Variants in IFT43 observed in about 807,000 individuals in gnomAD.
IFT43 encodes intraflagellar transport 43, also known as intraflagellar transport protein 43 homolog.
A neutral mutation model predicts 32.3 loss-of-function variants in IFT43; 33 were observed. The ratio of observed to expected loss-of-function variants is 1.02; its 90% CI spans 0.77 to 1.37. The LOEUF (loss-of-function observed/expected upper bound fraction) is 1.37. Among genes scored for constraint, IFT43 ranks in the 40% most tolerant of loss-of-function variants. The pLI is 0.00. For synonymous variants in IFT43, 93 were observed against 98.2 expected, an observed-to-expected ratio of 0.95 and a Z score of 0.31; for missense variants, 274 against 265.9, an observed-to-expected ratio of 1.03 and a Z score of -0.21.
chr14:75,989,054 T>C, intron 2 of IFT43, 77 bp downstream of exon 2: 1 of 1,543,618 alleles, frequency 6.5e-7, no homozygotes, highest in Non-Finnish European at 8.9e-7. Context: ...AAGGATTTGG[T>C]ATTCCATATT....
chr14:75,988,547 C>A (rs1274542515), intron 1 of IFT43, among the ~76,000 whole-genome samples: 1 of 151,998 alleles, frequency 6.6e-6, no homozygotes, highest in African/African-American at 2.4e-5. Flanking sequence ...GAGATGGAGT[C>A]TTGCTCTGTC....
At chr14:76,065,006 T>C (rs2037203754) in intron 5 of IFT43, among the ~76,000 whole-genome samples, 1 of 152,214 alleles carries the variant, frequency 6.6e-6, no homozygotes, top group African/African-American at 2.4e-5. Flanking sequence ...AGTTTACACA[T>C]GTTATAAATA....
At chr14:75,998,463 G>T (rs897765029) in intron 2 of IFT43, among the ~76,000 whole-genome samples, 1 of 152,178 alleles carries the variant, frequency 6.6e-6, no homozygotes, top group African/African-American at 2.4e-5. Context: ...GGAAGTGGAC[G>T]AACAGACAGA....
chr14:76,046,073 C>T (rs901248545), intron 3 of IFT43, among the ~76,000 whole-genome samples: 5 of 152,162 alleles, frequency 3.3e-5, no homozygotes, highest in African/African-American at 1.2e-4. Context: ...ATTCTAGAAG[C>T]TTCCCAGAGG....
At chr14:76,026,672 T>C (rs1356106741) in intron 3 of IFT43, among the ~76,000 whole-genome samples, 2 of 152,054 alleles carry the variant, frequency 1.3e-5, no homozygotes, top group Non-Finnish European at 1.5e-5. Flanking sequence ...GAAGACAGTG[T>C]GGTGATTCTT....
rs546363738 is a variant in IFT43 at position 76,058,660 on chromosome 14, T to C, written c.234T>C (p.Ser78=). Residue 78 remains serine, a synonymous_variant, in exon 4 of 9, where the codon TCT becomes TCC. Coordinates refer to ENST00000314067, the MANE Select transcript of IFT43 (RefSeq NM_001102564.3). ...TTTTCAGGTTTAGGAGGAAGGCTTC[T>C]GAAGAAATAGAAGAGTACGTTTCCA... The part of the protein sequence containing the change: ...VKASKFRRKA[S]EEIEDFRLRP... 42 of 1,612,806 alleles carry C rather than the reference T, an allele frequency of 2.6e-5. 1 individual carries two copies. In the South Asian group the frequency reaches 4.1e-4, roughly 16 times the overall value.
intron 3 of IFT43, among the ~76,000 whole-genome samples, chr14:76,049,937 A>C (rs1193601697): frequency 6.6e-6 from 1 of 152,016 alleles, no homozygotes; most frequent in African/African-American, 2.4e-5. Context: ...AGTAATACCA[A>C]CTTATTTGGT....
At chr14:76,045,243 C>A (rs1212938052) in intron 3 of IFT43, among the ~76,000 whole-genome samples, 1 of 152,128 alleles carries the variant, frequency 6.6e-6, no homozygotes, top group Non-Finnish European at 1.5e-5. Flanking sequence ...CATCTTTTTC[C>A]CCTGGGTTTG....
intron 4 of IFT43, 28 bp from the exon 5 acceptor site, chr14:76,059,293 TTTTTGC>T: frequency 1.2e-6 from 2 of 1,613,856 alleles, no homozygotes; most frequent in Non-Finnish European, 1.7e-6. Flanking sequence ...TGAAACTCAT[TTTTTGC>T]TGTCCTTTTC....
intron 3 of IFT43, among the ~76,000 whole-genome samples, chr14:76,023,004 A>G (rs1333882040): frequency 6.6e-6 from 1 of 152,202 alleles, no homozygotes; most frequent in African/African-American, 2.4e-5. Flanking sequence ...GAATATTTAT[A>G]CCATAACCAT....
At chr14:76,052,524 G>A (rs1361279228) in intron 3 of IFT43, among the ~76,000 whole-genome samples, 5 of 152,188 alleles carry the variant, frequency 3.3e-5, no homozygotes, top group South Asian at 2.1e-4. Context: ...ATGCAGCAGG[G>A]AGGAGACAGA....
intron 3 of IFT43, among the ~76,000 whole-genome samples, chr14:76,048,631 T>A (rs1175895515): frequency 6.6e-6 from 1 of 152,178 alleles, no homozygotes. Flanking sequence ...TGGAGGCCCC[T>A]CACATCATCC....
chr14:76,061,129 T>A (rs891079717), intron 5 of IFT43, among the ~76,000 whole-genome samples: 1 of 152,180 alleles, frequency 6.6e-6, no homozygotes, highest in Non-Finnish European at 1.5e-5. Context: ...CTCAAACTCC[T>A]GACCTCAAGT....
At chr14:76,002,449 A>T (rs1211884072) in intron 2 of IFT43, among the ~76,000 whole-genome samples, 1 of 152,118 alleles carries the variant, frequency 6.6e-6, no homozygotes, top group Non-Finnish European at 1.5e-5. Context: ...GGAAGTTGTT[A>T]GATGAGGAGG....
chr14:75,986,117 G>T, intron 1 of IFT43: 1 of 1,421,360 alleles, frequency 7.0e-7, no homozygotes, highest in Non-Finnish European at 9.3e-7. Context: ...GCCTTTCTCC[G>T]TTTTCTAGAG....
chr14:76,026,633 C>A (rs187670782), intron 3 of IFT43, among the ~76,000 whole-genome samples: 9 of 151,542 alleles, frequency 5.9e-5, no homozygotes, highest in Non-Finnish European at 1.2e-4. Context: ...ACAGTGTTAG[C>A]GTGAGTGTAA....
chr14:76,036,171 T>C lies in IFT43; in HGVS notation c.215+13777T>C, dbSNP rs28693430. The stretch of plus-strand genomic sequence containing the variant: ...TTTTGTTTGTTAACCATCATGACAT[T>C]AGGATGCATATCAAAATTAATAATT... On this transcript the variant is annotated intron_variant, in intron 3 of 8. Transcript: ENST00000314067. Among the ~76,000 whole-genome samples, 181 of 152,302 alleles carry C rather than the reference T, an allele frequency of 1.2e-3. 5 individuals carry two copies. In the South Asian group the frequency reaches 0.035, roughly 30 times the overall value.
intron 2 of IFT43, among the ~76,000 whole-genome samples, chr14:75,991,016 G>C (rs909863401): frequency 6.6e-6 from 1 of 152,198 alleles, no homozygotes; most frequent in Admixed American, 6.5e-5. Context: ...GTGATCACTG[G>C]CACCCAGGAA....
intron 2 of IFT43, among the ~76,000 whole-genome samples, chr14:76,019,570 A>G (rs1594821041): frequency 6.6e-6 from 1 of 152,220 alleles, no homozygotes; most frequent in Admixed American, 6.5e-5. Flanking sequence ...AGGTGAATCT[A>G]TTTTGAGACC....
Sources: allele counts gnomAD v4.1 joint callset (sites outside exome capture counted in the v4.1 genomes callset), GRCh38; gene constraint gnomAD v4.1.1; transcripts MANE v1.5; gene names NCBI Gene and HGNC (gene_info 2026-07-23, HGNC 2026-07-21).